The following LRMDA variants were observed in gnomAD, a reference collection of about 807,000 sequenced individuals.
LRMDA encodes leucine-rich melanocyte differentiation-associated protein.
A neutral mutation model predicts 29.8 loss-of-function variants in LRMDA; 18 were observed. The ratio of observed to expected loss-of-function variants is 0.60; its 90% confidence interval spans 0.42 to 0.90. The LOEUF is 0.90. LRMDA is among the 40% of genes least tolerant of loss of function. The probability of loss-of-function intolerance (pLI) is 0.00; values close to 1 mark genes in which losing one functional copy is unlikely to be tolerated. For missense variants in LRMDA, 273 were observed against 273.9 expected (o/e 1.00, Z 0.02); for synonymous variants, 125 against 109.4 (o/e 1.14, Z -0.89).
At chr10:75,508,795 T>C (rs1845195221) in intron 2 of LRMDA, among the ~76,000 whole-genome samples, 1 of 152,180 alleles carries the variant, frequency 6.6e-6, no homozygotes, top group African/African-American at 2.4e-5. Flanking sequence ...CACAAATATA[T>C]TTGCATATGT....
chr10:76,100,548 C>G (rs1049795117), intron 5 of LRMDA, among the ~76,000 whole-genome samples: 7 of 120,102 alleles, frequency 5.8e-5, no homozygotes, highest in Non-Finnish European at 1.1e-4. Flanking sequence ...ATGGCTTTTG[C>G]TTTATGGGTG....
chr10:76,264,151 C>A (rs1010173157), intron 5 of LRMDA, among the ~76,000 whole-genome samples: 5 of 152,088 alleles, frequency 3.3e-5, no homozygotes, highest in African/African-American at 1.2e-4. Flanking sequence ...GTAATCCCAA[C>A]ACTTTGGGAG....
intron 2 of LRMDA, among the ~76,000 whole-genome samples, chr10:75,521,383 T>C (rs929513720): frequency 6.6e-6 from 1 of 152,236 alleles, no homozygotes; most frequent in Non-Finnish European, 1.5e-5. Flanking sequence ...ACTTCCCAGC[T>C]GCTTTGTTTA....
intron 2 of LRMDA, among the ~76,000 whole-genome samples, chr10:75,478,269 G>A (rs1385432463): frequency 2.0e-5 from 3 of 152,176 alleles, no homozygotes; most frequent in Non-Finnish European, 4.4e-5. Flanking sequence ...TGTGCTGAGT[G>A]GATGCTTTGG....
chr10:75,457,433 C>T (rs1844532696), intron 2 of LRMDA, among the ~76,000 whole-genome samples: 1 of 152,176 alleles, frequency 6.6e-6, no homozygotes, highest in African/African-American at 2.4e-5. Context: ...TCAGGGAGGA[C>T]AGCCAAGTAA....
chr10:75,550,194 A>G (rs1378544947), intron 2 of LRMDA, among the ~76,000 whole-genome samples: 1 of 152,158 alleles, frequency 6.6e-6, no homozygotes, highest in African/African-American at 2.4e-5. Flanking sequence ...TCGTCTATAG[A>G]TGTCAGTTAA....
intron 6 of LRMDA, among the ~76,000 whole-genome samples, chr10:76,427,097 G>A (rs1263004385): frequency 6.6e-6 from 1 of 152,020 alleles, no homozygotes; most frequent in Non-Finnish European, 1.5e-5. Flanking sequence ...ACTCTTTTTT[G>A]GTTCCATATG....
Position 75,964,030 on chromosome 10 carries a change from A to G in LRMDA, c.132-71978A>G, listed in dbSNP as rs189409436. Among the ~76,000 whole-genome samples, 50 of 152,238 alleles carry G rather than the reference A, an allele frequency of 3.3e-4. No homozygotes were observed. In the East Asian group the frequency reaches 4.2e-3, roughly 13 times the overall value. On this transcript the variant is annotated intron_variant, in intron 2 of 6. Transcript: ENST00000611255. ...ACCACATTTTATTAATGTGATTTTTATGATCCTGCAGGAGATAATTAGGAT... is the reference window on the plus strand; with the variant it reads ...ACCACATTTTATTAATGTGATTTTTGTGATCCTGCAGGAGATAATTAGGAT...
chr10:75,482,868 G>T (rs538226743), intron 2 of LRMDA, among the ~76,000 whole-genome samples: 1 of 152,128 alleles, frequency 6.6e-6, no homozygotes, highest in Admixed American at 6.5e-5. Flanking sequence ...GAATCATGGG[G>T]AAAACATATT....
intron 6 of LRMDA, among the ~76,000 whole-genome samples, chr10:76,407,620 T>C (rs1841916142): frequency 6.6e-6 from 1 of 152,172 alleles, no homozygotes; most frequent in Admixed American, 6.5e-5. Context: ...TATAGGTAAG[T>C]AAAAAGAGAC....
chr10:76,451,643 T>C (rs985145914), intron 6 of LRMDA, among the ~76,000 whole-genome samples: 2 of 129,408 alleles, frequency 1.5e-5, no homozygotes, highest in Non-Finnish European at 3.4e-5. Context: ...TCTCCAATGC[T>C]TTTTTTTTTT....
intron 2 of LRMDA, among the ~76,000 whole-genome samples, chr10:75,857,280 G>A (rs1844843622): frequency 6.6e-6 from 1 of 152,198 alleles, no homozygotes; most frequent in Non-Finnish European, 1.5e-5. Context: ...CGGGTTGGGG[G>A]CCAGAGGCTT....
At chr10:76,345,582 T>C (rs113644628) in intron 6 of LRMDA, among the ~76,000 whole-genome samples, 8 of 151,690 alleles carry the variant, frequency 5.3e-5, no homozygotes, top group South Asian at 2.1e-4. Context: ...AATAAGAATC[T>C]ATATTTATGA....
chr10:75,813,895 G>A (rs191456717), intron 2 of LRMDA, among the ~76,000 whole-genome samples: 52 of 152,258 alleles, frequency 3.4e-4, no homozygotes, highest in African/African-American at 1.2e-3. Context: ...AATCTCTGCT[G>A]GGTCAAAATG....
intron 2 of LRMDA, among the ~76,000 whole-genome samples, chr10:75,728,426 CTGTGTGTGTGTGTGTGTGTG>C (rs34902461): frequency 8.0e-5 from 11 of 138,290 alleles, no homozygotes; most frequent in Non-Finnish European, 9.4e-5. Flanking sequence ...ATACGTGGCT[CTGTGTGTGTGTGTGTGTGTG>C]TGTGTGTGTG....
chr10:75,657,030 A>G (rs1841685438), intron 2 of LRMDA, among the ~76,000 whole-genome samples: 1 of 152,204 alleles, frequency 6.6e-6, no homozygotes, highest in African/African-American at 2.4e-5. Context: ...CTTGAGAGGA[A>G]GGAGCATGGA....
intron 6 of LRMDA, among the ~76,000 whole-genome samples, chr10:76,465,858 T>C (rs1172481814): frequency 6.6e-6 from 1 of 152,154 alleles, no homozygotes; most frequent in African/African-American, 2.4e-5. Flanking sequence ...TCTCCCTGTG[T>C]CTTCACATGG....
At position 75,694,439 on chromosome 10, in the gene LRMDA, TG is replaced by T. The variant is rs371041687; in HGVS notation, c.131+255946del. On this transcript the variant is annotated intron_variant, in intron 2 of 6. Coordinates refer to ENST00000611255, the MANE Select transcript of LRMDA (RefSeq NM_001305581.2). ...AGTTGTATGGGAGTGAGTCCTTTTTTGCATGAAATTTTTATGCATCAGTCAG... is the reference window on the plus strand; with the variant it reads ...AGTTGTATGGGAGTGAGTCCTTTTTTCATGAAATTTTTATGCATCAGTCAG... 1.8e-4 allele frequency among the ~76,000 whole-genome samples: 27 copies of T among 152,298 alleles called. No homozygotes were observed. The East Asian group carries it at 2.7e-3, about 15-fold the overall frequency.
intron 2 of LRMDA, among the ~76,000 whole-genome samples, chr10:75,698,812 C>A (rs563292225): frequency 6.6e-6 from 1 of 152,270 alleles, no homozygotes; most frequent in South Asian, 2.1e-4. Flanking sequence ...ATAGAAAAAT[C>A]TTTCTACAGA....
Sources: gnomAD v4.1 joint callset for allele counts (sites outside exome capture counted in the v4.1 genomes callset) on GRCh38, gnomAD v4.1.1 for gene constraint, MANE v1.5 for transcripts, NCBI Gene and HGNC (gene_info 2026-07-23, HGNC 2026-07-21) for gene names.